The following PUDP variants were observed in gnomAD, a reference collection of about 807,000 sequenced individuals.
PUDP encodes pseudouridine 5'-phosphatase.
In PUDP, 8 loss-of-function variants were observed where a neutral mutation model predicts 9.4. That is an observed-to-expected ratio of 0.85 (90% CI 0.50 to 1.53). The LOEUF (loss-of-function observed/expected upper bound fraction) is 1.53, where lower values mean the gene tolerates loss of function less well. Among genes scored for constraint, PUDP ranks in the 40% most tolerant of loss-of-function variants. PUDP has a pLI of 0.00. For synonymous variants in PUDP, 99 were observed against 80.7 expected (o/e 1.23, Z -1.22); for missense variants, 188 against 189.7 (o/e 0.99, Z 0.05).
chrX:6,736,131 T>C (rs1924869662), intron 3 of PUDP, among the ~76,000 whole-genome samples: 1 of 111,637 alleles, frequency 9.0e-6, no homozygotes, highest in South Asian at 3.7e-4. Flanking sequence ...TGTTCATTCC[T>C]TCATTCAAGA....
chrX:6,708,777 T>C, intron 1 of PUDP, among the ~76,000 whole-genome samples: 1 of 111,629 alleles, frequency 9.0e-6, no homozygotes, highest in Non-Finnish European at 1.9e-5. Context: ...CTGGCTGAGG[T>C]CCCAGAAATC....
Position 7,014,175 on chromosome X carries a change from C to T in PUDP, c.205-35832G>A, listed in dbSNP as rs771003221. 1.1e-4 allele frequency among the ~76,000 whole-genome samples: 12 copies of T among 110,433 alleles called. No individual in the cohort carries two copies. The East Asian group carries it at 2.8e-3, about 26-fold the overall frequency. ...CTCTGCCGTGTCATCTGCCATTTGT[C>T]TGCTTGTCTCCTCATCTCCTCATCT... On this transcript the variant is annotated intron_variant and NMD_transcript_variant, in intron 1 of 3. Transcript: ENST00000655425.
chrX:7,136,275 G>A (rs567146673), intron 1 of PUDP, among the ~76,000 whole-genome samples: 13 of 112,243 alleles, frequency 1.2e-4, no homozygotes, highest in Non-Finnish European at 2.3e-4. Flanking sequence ...GAAAGCACAC[G>A]TGACGTGACA....
At chrX:6,915,339 C>T (rs1927913172) in intron 3 of PUDP, among the ~76,000 whole-genome samples, 1 of 112,110 alleles carries the variant, frequency 8.9e-6, no homozygotes, top group African/African-American at 3.2e-5. Context: ...TCCTTAGACA[C>T]AATATATTTT....
rs68027289 is a variant in PUDP at position 6,720,289 on chromosome X, C to G, written n.128+1128G>C. 4.1e-4 allele frequency among the ~76,000 whole-genome samples: 19 copies of G among 46,744 alleles called. 1 individual carries two copies. The South Asian group carries it at 0.012, about 30-fold the overall frequency. The allele number at this position is 46,744 out of a possible 115,157, so 40.6% of individuals were successfully genotyped here. A position where few individuals can be genotyped will look rare whatever the true frequency, so the allele number is the denominator to read the frequency against. On this transcript the variant is annotated intron_variant and non_coding_transcript_variant, in intron 1 of 2. Coordinates refer to the PUDP transcript ENST00000438499. ...ATATATATATATATATATATATATA[C>G]ACACACACACATAAATATGAATAGT...
At chrX:6,987,568 T>C (rs1208125208) in intron 1 of PUDP, among the ~76,000 whole-genome samples, 1 of 112,306 alleles carries the variant, frequency 8.9e-6, no homozygotes, top group Non-Finnish European at 1.9e-5. Flanking sequence ...TTGTATATCG[T>C]GACCCACAGA....
intron 3 of PUDP, among the ~76,000 whole-genome samples, chrX:6,878,773 C>T (rs781088922): frequency 8.0e-5 from 9 of 112,304 alleles, no homozygotes; most frequent in Non-Finnish European, 1.5e-4. Context: ...CAATGCAGAC[C>T]TGTTTCCAAC....
At chrX:6,888,839 T>A (rs12394747) in intron 3 of PUDP, among the ~76,000 whole-genome samples, 47,322 of 109,556 alleles carry the variant, frequency 0.43, 8,455 homozygotes, top group Non-Finnish European at 0.56. Context: ...GAAAGGTCCT[T>A]CCAGAAACAG....
At chrX:7,119,217 CA>C (rs780714366) in intron 1 of PUDP, among the ~76,000 whole-genome samples, 7 of 112,607 alleles carry the variant, frequency 6.2e-5, no homozygotes, top group Non-Finnish European at 9.4e-5. Context: ...ATGAGAACAT[CA>C]AATGATGAGA....
At chrX:6,770,209 G>A (rs147096880) in intron 3 of PUDP, among the ~76,000 whole-genome samples, 40 of 112,783 alleles carry the variant, frequency 3.5e-4, no homozygotes, top group African/African-American at 1.2e-3. Context: ...GTCCAGGGGT[G>A]GATGCACTGC....
At chrX:6,997,501 G>A (rs1243388286) in intron 1 of PUDP, among the ~76,000 whole-genome samples, 1 of 112,442 alleles carries the variant, frequency 8.9e-6, no homozygotes, top group African/African-American at 3.2e-5. Flanking sequence ...ATATTTTCCA[G>A]CCTGAATAAG....
intron 3 of PUDP, among the ~76,000 whole-genome samples, chrX:7,060,616 C>A (rs773235329): frequency 3.6e-5 from 4 of 112,372 alleles, no homozygotes; most frequent in Non-Finnish European, 7.5e-5. Flanking sequence ...CGATGAAGGT[C>A]CCGCAAAGCA....
downstream of PUDP, among the ~76,000 whole-genome samples, chrX:7,048,302 G>A (rs371481624): frequency 3.6e-5 from 4 of 111,932 alleles, no homozygotes; most frequent in East Asian, 8.4e-4. Flanking sequence ...TCCCTAATAC[G>A]ACATACTTTC....
chrX:6,754,517 CAT>C (rs768766513), intron 3 of PUDP, among the ~76,000 whole-genome samples: 1 of 109,531 alleles, frequency 9.1e-6, no homozygotes, highest in Non-Finnish European at 1.9e-5. Flanking sequence ...ATATATAACT[CAT>C]ATATGTCATA....
chrX:6,841,939 T>C (rs1050005129), intron 3 of PUDP, among the ~76,000 whole-genome samples: 1 of 111,104 alleles, frequency 9.0e-6, no homozygotes, highest in South Asian at 3.9e-4. Context: ...ATGTTTTATG[T>C]ATTATGTGTT....
chrX:6,804,651 G>A (rs1439700692), intron 3 of PUDP, among the ~76,000 whole-genome samples: 1 of 111,227 alleles, frequency 9.0e-6, no homozygotes, highest in African/African-American at 3.3e-5. Flanking sequence ...GCAGGTCTAC[G>A]CTTCCTCCTG....
intron 2 of PUDP, among the ~76,000 whole-genome samples, chrX:7,080,275 C>T (rs964865805): frequency 2.7e-5 from 3 of 112,168 alleles, no homozygotes; most frequent in Non-Finnish European, 5.6e-5. Flanking sequence ...CTCAAGAAGA[C>T]ACAAATAACC....
At chrX:7,099,987 G>A (rs1362739103) in intron 2 of PUDP, among the ~76,000 whole-genome samples, 2 of 108,945 alleles carry the variant, frequency 1.8e-5, no homozygotes, top group East Asian at 2.9e-4. Flanking sequence ...CCTGGTGACT[G>A]GCCAAGGCAG....
intron 3 of PUDP, among the ~76,000 whole-genome samples, chrX:6,769,359 C>T (rs1004897059): frequency 1.8e-5 from 2 of 111,867 alleles, no homozygotes; most frequent in East Asian, 5.6e-4. Flanking sequence ...TCACCTTTGG[C>T]GGGGAAGGCA....
Sources: gnomAD v4.1 joint callset for allele counts (sites outside exome capture counted in the v4.1 genomes callset) on GRCh38, gnomAD v4.1.1 for gene constraint, MANE v1.5 for transcripts, NCBI Gene and HGNC (gene_info 2026-07-23, HGNC 2026-07-21) for gene names.